Variants in PLAU observed in about 807,000 individuals in gnomAD.
PLAU encodes urokinase-type plasminogen activator.
Under a neutral mutation model 48.9 loss-of-function variants are expected in PLAU, and 32 were observed. That is an observed-to-expected ratio of 0.65 (90% confidence interval 0.49 to 0.88). The LOEUF (loss-of-function observed/expected upper bound fraction) is 0.88, where lower values mean the gene tolerates loss of function less well. Ranked by LOEUF, PLAU falls within the 40% of genes least tolerant of loss-of-function variation. PLAU has a pLI of 0.00. For missense variants in PLAU, 455 were observed against 545.2 expected (o/e 0.83, Z 1.65); for synonymous variants, 199 against 205.7 (o/e 0.97, Z 0.28).
intron 10 of PLAU, among the ~76,000 whole-genome samples, chr10:73,915,794 G>C (rs934501441): frequency 6.6e-6 from 1 of 152,194 alleles, no homozygotes; most frequent in Non-Finnish European, 1.5e-5. Context: ...AGGGAAGAAA[G>C]GAAGGTGTTT....
In PLAU at chr10:73,912,908, T is replaced by C. The variant is rs201822924; in HGVS notation, c.194-16T>C. On this transcript the variant is annotated splice_polypyrimidine_tract_variant and intron_variant, in intron 4 of 10. Transcript: ENST00000372764. ...TTCTCTTTCTCATATTCTCTCATCC[T>C]CCTGTCCCCTTGTAGATAAGTCAAA... 1.3e-5 allele frequency: 20 copies of C among 1,579,560 alleles called. No individual in the cohort carries two copies. Among genetic ancestry groups the C allele is most frequent in the Non-Finnish European group, 1.7e-5 (20 of 1,160,702 alleles).
At chr10:73,913,230 G>A in intron 5 of PLAU, 60 bp from the exon 6 acceptor site, 1 of 1,576,270 alleles carries the variant, frequency 6.3e-7, no homozygotes, top group South Asian at 1.1e-5. Flanking sequence ...TCCCTGAGGG[G>A]AGGAGGCAGG....
Position 73,911,541 on chromosome 10 carries a change from C to T in PLAU, c.-15C>T, listed in dbSNP as rs2096123999. ...CCTTTGCAGAGCCGCCGTCTAGCGC[C>T]CCGACCTCGCCACCATGAGAGCCCT... On this transcript the variant is annotated 5_prime_UTR_variant, in exon 2 of 11. Transcript: ENST00000372764. The T allele has an allele frequency of 6.2e-7, 1 of 1,611,150 alleles. No homozygotes were observed.
chr10:73,914,094 C>T lies in PLAU; in HGVS notation c.795C>T (p.Tyr265=). The change falls in exon 8 of 11, where the codon TAC becomes TAT. Residue 265 remains tyrosine, a synonymous_variant. Coordinates refer to ENST00000372764, the MANE Select transcript of PLAU (RefSeq NM_002658.6). The part of the protein sequence containing the change: ...EVENLILHKD[Y]SADTLAHHND... ...AAAACCTCATCCTACACAAGGACTA[C>T]AGCGCTGACACGCTTGCTCACCACA... 1 of 1,614,196 alleles carries T rather than the reference C, an allele frequency of 6.2e-7. No individual in the cohort carries two copies. Among genetic ancestry groups the T allele is most frequent in the Non-Finnish European group, 8.5e-7 (1 of 1,180,016 alleles).
chr10:73,915,138 G>A, intron 9 of PLAU, 113 bp from the exon 10 acceptor site: 1 of 1,209,216 alleles, frequency 8.3e-7, no homozygotes, highest in Non-Finnish European at 1.2e-6. Flanking sequence ...AGATTTGCAT[G>A]GAAGAGAATA....
chr10:73,912,871 G>C, intron 4 of PLAU, 53 bp from the exon 5 acceptor site: 1 of 1,417,008 alleles, frequency 7.1e-7, no homozygotes, highest in Non-Finnish European at 9.7e-7. Flanking sequence ...ATAAAAGTTA[G>C]TTGGAATGTT....
chr10:73,914,702 G>A lies in PLAU; in HGVS notation c.830-74G>A, dbSNP rs1339299407. The A allele has an allele frequency of 2.7e-6, 4 of 1,455,592 alleles. No homozygotes were observed. The Admixed American group carries it at 7.9e-5, about 29-fold the overall frequency. The allele number at this position is 1,455,592 out of a possible 1,614,324, so 90.2% of individuals were successfully genotyped here. A position where few individuals can be genotyped will look rare whatever the true frequency, so the allele number is the denominator to read the frequency against. ...AGGGATAGGCATAGCTACTTCCTCG[G>A]CACTTGGAGGGGACAGATGGGGACC... On this transcript the variant is annotated intron_variant, in intron 8 of 10. Transcript: ENST00000372764.
chr10:73,913,784 G>T (rs780329846), intron 7 of PLAU, 26 bp downstream of exon 7: 3 of 1,538,256 alleles, frequency 2.0e-6, no homozygotes, highest in Non-Finnish European at 8.8e-7. Context: ...TCTCCTCTTC[G>T]ACTCTTCTGC....
rs1479611180 is a variant in PLAU at position 73,916,384 on chromosome 10, C to T, written c.1120-5C>T. 1.9e-6 allele frequency: 3 copies of T among 1,611,704 alleles called. No individual in the cohort carries two copies. Among genetic ancestry groups the T allele is most frequent in the African/African-American group, 1.3e-5 (1 of 75,038 alleles). ...GGCTCATCTTTTGTATCTTTGGCGTCACAGGGAGACTCAGGGGGACCCCTC... is the reference window on the plus strand; with the variant it reads ...GGCTCATCTTTTGTATCTTTGGCGTTACAGGGAGACTCAGGGGGACCCCTC... On this transcript the variant is annotated splice_polypyrimidine_tract_variant and splice_region_variant and intron_variant, in intron 10 of 10. Transcript: ENST00000372764.
chr10:73,912,141 C>T (rs1011294897), intron 3 of PLAU, 73 bp downstream of exon 3: 2 of 1,611,606 alleles, frequency 1.2e-6, no homozygotes, highest in Non-Finnish European at 1.7e-6. Flanking sequence ...CCCCTCCCTG[C>T]CCTCTGCTGC....
chr10:73,914,959 T>G, intron 9 of PLAU, 43 bp downstream of exon 9: 1 of 1,602,830 alleles, frequency 6.2e-7, no homozygotes, highest in Non-Finnish European at 8.5e-7. Context: ...CTGAGGAGTG[T>G]TTTGACCTGA....
chr10:73,910,271 A>G (rs1388472118), upstream of PLAU: 1 of 152,180 alleles, frequency 6.6e-6, no homozygotes, highest in Non-Finnish European at 1.5e-5. Context: ...ACATGTTTCC[A>G]TTGTCTTTAC....
upstream of PLAU, chr10:73,910,841 TGC>T (rs2096122308): frequency 6.6e-6 from 1 of 152,338 alleles, no homozygotes; most frequent in South Asian, 2.1e-4. Flanking sequence ...GAGTCTCCTG[TGC>T]GCCTTCTCTC....
Position 73,914,784 on chromosome 10 carries a change from A to G in PLAU, c.838A>G (p.Lys280Glu). 6.2e-7 allele frequency: 1 copy of G among 1,613,752 alleles called. No homozygotes were observed. Residue 280 changes from lysine to glutamate, a missense_variant, in exon 9 of 11, where the codon AAG becomes GAG. Physicochemically the swap from Lys to Glu is moderately conservative, Grantham distance 56. Coordinates refer to ENST00000372764, the MANE Select transcript of PLAU (RefSeq NM_002658.6). The part of the protein sequence containing the change: ...LAHHNDIALL[K>E]IRSKEGRCAQ... The stretch of plus-strand genomic sequence containing the variant: ...CCTCTGTCCTCCCCCAGCCTTGCTG[A>G]AGATCCGTTCCAAGGAGGGCAGGTG...
intron 6 of PLAU, 32 bp from the exon 7 acceptor site, chr10:73,913,507 C>G: frequency 6.3e-7 from 1 of 1,575,106 alleles, no homozygotes; most frequent in East Asian, 2.2e-5. Context: ...TCCTACCTGC[C>G]TCCCTAAGAC....
intron 1 of PLAU, 73 bp from the exon 2 acceptor site, chr10:73,911,452 T>G: frequency 7.0e-7 from 1 of 1,435,738 alleles, no homozygotes; most frequent in Non-Finnish European, 9.5e-7. Flanking sequence ...GCATCTCCCC[T>G]GCGCTGCAGT....
At chr10:73,914,583 CT>C (rs1565610932) in intron 8 of PLAU, among the ~76,000 whole-genome samples, 192 bp from the exon 9 acceptor site, 1 of 152,142 alleles carries the variant, frequency 6.6e-6, no homozygotes, top group Non-Finnish European at 1.5e-5. Flanking sequence ...CCATCCAAGC[CT>C]TTTTCAACAC....
intron 1 of PLAU, 108 bp downstream of exon 1, chr10:73,911,326 G>A: frequency 1.6e-6 from 1 of 622,954 alleles, no homozygotes; most frequent in Non-Finnish European, 2.8e-6. Context: ...GCTCCCCGGC[G>A]GCTGCACGGA....
intron 6 of PLAU, 22 bp from the exon 7 acceptor site, chr10:73,913,517 C>A: frequency 6.3e-7 from 1 of 1,596,368 alleles, no homozygotes; most frequent in Non-Finnish European, 8.6e-7. Flanking sequence ...CTCCCTAAGA[C>A]ATCCCTCTGT....
Sources: allele counts gnomAD v4.1 joint callset (sites outside exome capture counted in the v4.1 genomes callset), GRCh38; gene constraint gnomAD v4.1.1; transcripts MANE v1.5; gene names NCBI Gene and HGNC (gene_info 2026-07-23, HGNC 2026-07-21).